The following PLPPR1 variants were observed in gnomAD, a reference collection of about 807,000 sequenced individuals.
The protein encoded by PLPPR1 is phospholipid phosphatase related 1.
PLPPR1 carries 10 observed loss-of-function variants against 33.1 expected under a neutral mutation model. That is an observed-to-expected ratio of 0.30 (90% confidence interval 0.19 to 0.51). The LOEUF (loss-of-function observed/expected upper bound fraction) is 0.51. Among genes scored for constraint, PLPPR1 ranks in the 20% least tolerant of loss-of-function variants. PLPPR1 has a pLI of 0.97. For missense variants in PLPPR1, 304 were observed against 408.1 expected, an observed-to-expected ratio of 0.74 and a Z score of 2.20; for synonymous variants, 151 against 151.0, an observed-to-expected ratio of 1.00 and a Z score of 0.00.
intron 1 of PLPPR1, among the ~76,000 whole-genome samples, chr9:101,065,749 T>A (rs1830404585): frequency 6.6e-6 from 1 of 152,100 alleles, no homozygotes; most frequent in Admixed American, 6.6e-5. Context: ...TTATTTTTAC[T>A]ATGAGACTTT....
At chr9:101,114,735 A>G (rs761296404) in intron 1 of PLPPR1, among the ~76,000 whole-genome samples, 1 of 152,180 alleles carries the variant, frequency 6.6e-6, no homozygotes, top group Non-Finnish European at 1.5e-5. Context: ...TAACAATTAC[A>G]TATCTGCCTC....
intron 4 of PLPPR1, among the ~76,000 whole-genome samples, chr9:101,292,553 A>T (rs1316085320): frequency 6.6e-6 from 1 of 151,548 alleles, no homozygotes; most frequent in East Asian, 2.0e-4. Context: ...ATGGTCGGGT[A>T]ACCCACAAAG....
intron 3 of PLPPR1, among the ~76,000 whole-genome samples, chr9:101,273,541 C>T (rs868654229): frequency 6.6e-6 from 1 of 152,152 alleles, no homozygotes; most frequent in Non-Finnish European, 1.5e-5. Flanking sequence ...GCTACCCTGC[C>T]GGCAAGCTGT....
intron 2 of PLPPR1, among the ~76,000 whole-genome samples, chr9:101,232,632 A>G (rs1466597146): frequency 6.6e-6 from 1 of 151,972 alleles, no homozygotes; most frequent in Admixed American, 6.6e-5. Flanking sequence ...ACTGATTCAC[A>G]TATCACAATA....
At chr9:101,251,118 T>C (rs1257092575) in intron 2 of PLPPR1, among the ~76,000 whole-genome samples, 1 of 152,132 alleles carries the variant, frequency 6.6e-6, no homozygotes, top group Non-Finnish European at 1.5e-5. Flanking sequence ...TATCAAAATA[T>C]GTTCAAAATT....
chr9:101,181,468 T>C (rs1043483680), intron 1 of PLPPR1, among the ~76,000 whole-genome samples: 11 of 151,056 alleles, frequency 7.3e-5, no homozygotes, highest in Non-Finnish European at 1.6e-4. Flanking sequence ...TCTGAGTGTG[T>C]ATCCAAAGGA....
chr9:101,141,018 C>T lies in PLPPR1; in HGVS notation c.-45-44432C>T, dbSNP rs571356848. Among the ~76,000 whole-genome samples the T allele has an allele frequency of 6.0e-4, 92 of 152,144 alleles. 1 individual carries two copies. Among genetic ancestry groups the T allele is most frequent in the African/African-American group, 2.0e-3 (85 of 41,540 alleles). On this transcript the variant is annotated intron_variant, in intron 1 of 7. Coordinates refer to ENST00000374874, the MANE Select transcript of PLPPR1 (RefSeq NM_207299.2). ...GCAGGAATCCTGTGACAAAAGGATC[C>T]GAATATGGAAGTTTCTGTTTGGAAG...
At chr9:101,229,109 G>T (rs902957293) in intron 2 of PLPPR1, among the ~76,000 whole-genome samples, 3 of 152,116 alleles carry the variant, frequency 2.0e-5, no homozygotes, top group Non-Finnish European at 4.4e-5. Context: ...AGTTTGTCTT[G>T]CTTGTTATCA....
chr9:101,249,713 C>T (rs1246740664), intron 2 of PLPPR1, among the ~76,000 whole-genome samples: 9 of 152,002 alleles, frequency 5.9e-5, no homozygotes, highest in East Asian at 1.9e-4. Context: ...GTTAGGTGAG[C>T]GTTATGAAAT....
intron 1 of PLPPR1, among the ~76,000 whole-genome samples, chr9:101,052,891 A>C (rs1488460738): frequency 6.6e-6 from 1 of 152,244 alleles, no homozygotes; most frequent in Non-Finnish European, 1.5e-5. Flanking sequence ...CAGGGAGGCA[A>C]CTGGACTCAG....
chr9:101,070,968 A>C (rs564288141), intron 1 of PLPPR1, among the ~76,000 whole-genome samples: 1 of 151,722 alleles, frequency 6.6e-6, no homozygotes, highest in Non-Finnish European at 1.5e-5. Flanking sequence ...CTTTATCTAG[A>C]GTGGGATTGT....
chr9:101,146,015 C>G (rs1307995272), intron 1 of PLPPR1, among the ~76,000 whole-genome samples: 3 of 151,840 alleles, frequency 2.0e-5, no homozygotes, highest in Non-Finnish European at 4.4e-5. Context: ...CAGCCTGTCT[C>G]AAAAGAAAAA....
intron 2 of PLPPR1, among the ~76,000 whole-genome samples, chr9:101,269,094 T>C (rs1165623765): frequency 2.6e-5 from 4 of 152,344 alleles, no homozygotes; most frequent in African/African-American, 7.2e-5. Context: ...ACATGTTACA[T>C]TTCCATATCC....
At chr9:101,207,896 G>C (rs1285380637) in intron 2 of PLPPR1, among the ~76,000 whole-genome samples, 1 of 152,134 alleles carries the variant, frequency 6.6e-6, no homozygotes, top group Admixed American at 6.5e-5. Flanking sequence ...CTAAGGAAAG[G>C]TCTCAAATGA....
intron 1 of PLPPR1, among the ~76,000 whole-genome samples, chr9:101,112,495 T>C (rs1831068888): frequency 6.6e-6 from 1 of 152,208 alleles, no homozygotes; most frequent in Non-Finnish European, 1.5e-5. Flanking sequence ...GCAAACAGTG[T>C]CATTAGCAGT....
At chr9:101,147,420 T>A (rs1402670857) in intron 1 of PLPPR1, among the ~76,000 whole-genome samples, 1 of 152,234 alleles carries the variant, frequency 6.6e-6, no homozygotes, top group Non-Finnish European at 1.5e-5. Flanking sequence ...ATTTTCATAC[T>A]AACTGCCTTT....
chr9:101,037,560 T>C (rs1438248952), intron 1 of PLPPR1, among the ~76,000 whole-genome samples: 1 of 152,092 alleles, frequency 6.6e-6, no homozygotes, highest in Non-Finnish European at 1.5e-5. Context: ...ACAAGAATAA[T>C]ATCTGGGTGA....
At chr9:101,139,142 A>T (rs1831414980) in intron 1 of PLPPR1, among the ~76,000 whole-genome samples, 1 of 152,220 alleles carries the variant, frequency 6.6e-6, no homozygotes, top group African/African-American at 2.4e-5. Flanking sequence ...ACATGAAAAA[A>T]AAACTACCCA....
chr9:101,211,565 T>A (rs1213236008), intron 2 of PLPPR1, among the ~76,000 whole-genome samples: 2 of 152,170 alleles, frequency 1.3e-5, no homozygotes, highest in Admixed American at 1.3e-4. Flanking sequence ...ATGAGCTAAT[T>A]ACTCAGTTGT....
Sources: gnomAD v4.1 joint callset for allele counts (sites outside exome capture counted in the v4.1 genomes callset) on GRCh38, gnomAD v4.1.1 for gene constraint, MANE v1.5 for transcripts, NCBI Gene and HGNC (gene_info 2026-07-23, HGNC 2026-07-21) for gene names.